The following MAB21L3 variants were observed in gnomAD, a reference collection of about 807,000 sequenced individuals.
MAB21L3 encodes protein mab-21-like 3.
A neutral mutation model predicts 37.7 loss-of-function variants in MAB21L3; 36 were observed. The ratio of observed to expected loss-of-function variants is 0.96; its 90% CI spans 0.73 to 1.26. The LOEUF (loss-of-function observed/expected upper bound fraction) is 1.26, where lower values mean the gene tolerates loss of function less well. Among genes scored for constraint, MAB21L3 ranks in the 50% most tolerant of loss-of-function variants. MAB21L3 has a pLI of 0.00. For synonymous variants in MAB21L3, 186 were observed against 176.8 expected (o/e 1.05, Z -0.41); for missense variants, 430 against 447.3 (o/e 0.96, Z 0.35).
At chr1:116,123,228 C>T (rs1396933250) in intron 4 of MAB21L3, among the ~76,000 whole-genome samples, 2 of 152,224 alleles carry the variant, frequency 1.3e-5, no homozygotes, top group African/African-American at 4.8e-5. Flanking sequence ...TGCTTTCCCC[C>T]AGTCGTTGCT....
chr1:116,124,591 G>T (rs1170064768), intron 5 of MAB21L3, among the ~76,000 whole-genome samples: 1 of 152,164 alleles, frequency 6.6e-6, no homozygotes, highest in Non-Finnish European at 1.5e-5. Flanking sequence ...GAAAGTTACT[G>T]TGCTGGCATA....
At position 116,128,126 on chromosome 1, in the gene MAB21L3, A is replaced by C. The variant is rs989307181; in HGVS notation, c.661-19A>C. The C allele has an allele frequency of 6.2e-7, 1 of 1,601,688 alleles. No individual in the cohort carries two copies. The highest frequency in any genetic ancestry group is 8.5e-7 in the Non-Finnish European group (1 of 1,173,298). The stretch of plus-strand genomic sequence containing the variant: ...AGCATTGTTCTTCTTATTTCCCAAT[A>C]TTTTTCTCTTTCTTCCAGTCGTTTG... On this transcript the variant is annotated intron_variant, in intron 6 of 7. Transcript: ENST00000369500.
chr1:116,117,162 C>CATATATATATATATAT lies in MAB21L3; in HGVS notation c.49-3755_49-3740dup, dbSNP rs35799148. Among the ~76,000 whole-genome samples the CATATATATATATATAT allele has an allele frequency of 1.9e-3, 223 of 114,494 alleles. 2 individuals carry two copies. The highest frequency in any genetic ancestry group is 5.6e-3 in the African/African-American group (159 of 28,562). 75.1% of individuals were successfully genotyped at this position (114,494 alleles called of 152,430 possible). A position where few individuals can be genotyped will look rare whatever the true frequency, so the allele number is the denominator to read the frequency against. On this transcript the variant is annotated intron_variant, in intron 3 of 7. Transcript: ENST00000369500. ...TAACTCAGGAATCAAAATATACATA[C>CATATATATATATATAT]ATATATATATATATATATATATATA...
At chr1:116,121,362 T>C (rs949071730) in intron 4 of MAB21L3, among the ~76,000 whole-genome samples, 1 of 151,954 alleles carries the variant, frequency 6.6e-6, no homozygotes, top group Non-Finnish European at 1.5e-5. Flanking sequence ...TCTGTCTCTA[T>C]AGAAAAAGAA....
At chr1:116,129,138 G>T (rs1344900164) in intron 7 of MAB21L3, among the ~76,000 whole-genome samples, 1 of 152,238 alleles carries the variant, frequency 6.6e-6, no homozygotes, top group Non-Finnish European at 1.5e-5. Context: ...GCAAGCCAGT[G>T]GGTGCGTGTA....
At position 116,133,205 on chromosome 1, in the gene MAB21L3, G is replaced by A. The variant is rs370966327; in HGVS notation, c.929G>A (p.Arg310His). The change falls in exon 8 of 8, where the codon CGC (arginine) becomes CAC (histidine). Residue 310 changes from arginine to histidine, a missense_variant. By Grantham distance (29) the Arg-to-His change is conservative. Transcript: ENST00000369500. ...CAGGTCTTCAGCAAAGCATTTCTGC[G>A]CCTGGTGAGGAAACTGCACAAGTGC... is the stretch of plus-strand genomic sequence containing the variant. ...DWQVFSKAFL[R>H]LVRKLHKCVS... 21 of 1,614,008 alleles carry A rather than the reference G, an allele frequency of 1.3e-5. No homozygotes were observed. The highest frequency in any genetic ancestry group is 4.0e-5 in the African/African-American group (3 of 74,886).
Position 116,127,700 on chromosome 1 carries a change from T to C in MAB21L3, c.660+56T>C, listed in dbSNP as rs1659949190. On this transcript the variant is annotated intron_variant, in intron 6 of 7. Coordinates refer to ENST00000369500, the MANE Select transcript of MAB21L3 (RefSeq NM_152367.3). Reference sequence around the variant, plus strand: ...GCAGTGATGCCAACAGCTTAACCAGTCACAGCATTACTGACTGCCAATGAG... The same window carrying C: ...GCAGTGATGCCAACAGCTTAACCAGCCACAGCATTACTGACTGCCAATGAG... 4 of 1,527,886 alleles carry C rather than the reference T, an allele frequency of 2.6e-6. No individual in the cohort carries two copies. In the Admixed American group the frequency reaches 8.0e-5, roughly 31 times the overall value. The allele number at this position is 1,527,886 out of a possible 1,614,324, so 94.6% of individuals were successfully genotyped here. A position where few individuals can be genotyped will look rare whatever the true frequency, so the allele number is the denominator to read the frequency against.
chr1:116,135,682 G>C lies in MAB21L3; in HGVS notation c.*2317G>C, dbSNP rs1333694783. On this transcript the variant is annotated 3_prime_UTR_variant, in exon 8 of 8. Transcript: ENST00000369500. The stretch of plus-strand genomic sequence containing the variant: ...CGGGCAGAGACACAACTAAAAAAGA[G>C]AATTTTAGACCAATATCCTTGTTGA... Among the ~76,000 whole-genome samples the C allele has an allele frequency of 6.6e-6, 1 of 152,212 alleles. No individual in the cohort carries two copies. Among genetic ancestry groups the C allele is most frequent in the Non-Finnish European group, 1.5e-5 (1 of 68,048 alleles).
At chr1:116,116,089 A>G (rs78993502) in intron 3 of MAB21L3, among the ~76,000 whole-genome samples, 7,361 of 152,246 alleles carry the variant, frequency 0.048, 213 homozygotes, top group African/African-American at 0.077. Context: ...ATCACTGTAC[A>G]GCTGCCCCAA....
intron 5 of MAB21L3, among the ~76,000 whole-genome samples, chr1:116,124,657 T>C (rs1462750259): frequency 6.6e-6 from 1 of 152,188 alleles, no homozygotes; most frequent in Non-Finnish European, 1.5e-5. Context: ...TTAAGCGTAT[T>C]GTTTTTTAAA....
At chr1:116,127,365 C>A in intron 5 of MAB21L3, 101 bp from the exon 6 acceptor site, 1 of 1,144,874 alleles carries the variant, frequency 8.7e-7, no homozygotes, top group Non-Finnish European at 1.2e-6. Context: ...ACACCAGTTG[C>A]AAGGTGCTGG....
At chr1:116,119,734 G>C (rs1029647173) in intron 3 of MAB21L3, among the ~76,000 whole-genome samples, 1 of 152,122 alleles carries the variant, frequency 6.6e-6, no homozygotes, top group African/African-American at 2.4e-5. Context: ...GAAAAAACTT[G>C]CAGACCCTTC....
chr1:116,111,775 A>G lies in MAB21L3; in HGVS notation c.-245A>G, dbSNP rs935644087. On this transcript the variant is annotated 5_prime_UTR_variant, in exon 2 of 8. Coordinates refer to ENST00000369500, the MANE Select transcript of MAB21L3 (RefSeq NM_152367.3). ...ACTTTATTTTTACTGCCAGCTTTCA[A>G]GTTGGAAGAGGGAAATTACGTTTAA... 21 of 152,138 alleles carry G rather than the reference A, an allele frequency of 1.4e-4. No homozygotes were observed. Among genetic ancestry groups the G allele is most frequent in the African/African-American group, 5.1e-4 (21 of 41,420 alleles). 9.4% of individuals were successfully genotyped at this position (152,138 alleles called of 1,614,324 possible). A position where few individuals can be genotyped will look rare whatever the true frequency, so the allele number is the denominator to read the frequency against.
chr1:116,130,716 CTA>C lies in MAB21L3; in HGVS notation c.855+2379_855+2380del, dbSNP rs529668594. On this transcript the variant is annotated intron_variant, in intron 7 of 7. Coordinates refer to ENST00000369500, the MANE Select transcript of MAB21L3 (RefSeq NM_152367.3). Reference sequence around the variant, plus strand: ...TCCCCAAAAAGGCTCTGCCCCAAGACTATTTCATGTGAAGCAAAAGCTTATCT... The same window carrying C: ...TCCCCAAAAAGGCTCTGCCCCAAGACTTTCATGTGAAGCAAAAGCTTATCT... Among the ~76,000 whole-genome samples the C allele has an allele frequency of 2.7e-3, 413 of 152,356 alleles. 7 individuals are homozygous for C. The highest frequency in any genetic ancestry group is 8.5e-4 in the Non-Finnish European group (58 of 68,046).
rs1336535806 is a variant in MAB21L3, at chr1:116,117,536, C to T, written c.49-3396C>T. Among the ~76,000 whole-genome samples the T allele has an allele frequency of 2.0e-5, 3 of 152,216 alleles. No homozygotes were observed. The East Asian group carries it at 5.8e-4, about 29-fold the overall frequency. ...CATCTCTTGCCCAGCAAACTCCAATCTTAGCACCTCAACTCTTACCTTTGG... is the reference window on the plus strand; with the variant it reads ...CATCTCTTGCCCAGCAAACTCCAATTTTAGCACCTCAACTCTTACCTTTGG... On this transcript the variant is annotated intron_variant, in intron 3 of 7. Coordinates refer to ENST00000369500, the MANE Select transcript of MAB21L3 (RefSeq NM_152367.3).
Position 116,124,073 on chromosome 1 carries a change from C to T in MAB21L3, c.197C>T (p.Ala66Val). The change falls in exon 5 of 8, where the codon GCT (alanine) becomes GTT (valine). Residue 66 changes from alanine to valine, a missense_variant. Coordinates refer to ENST00000369500, the MANE Select transcript of MAB21L3 (RefSeq NM_152367.3). ...DTYNENIKVL[A>V]PSQFLVTVPI... Reference sequence around the variant, plus strand: ...ATCCTTTCCTGACCCTAGGTTTTGGCTCCCAGTCAGTTCCTCGTCACAGTC... The same window carrying T: ...ATCCTTTCCTGACCCTAGGTTTTGGTTCCCAGTCAGTTCCTCGTCACAGTC... The T allele has an allele frequency of 6.3e-7, 1 of 1,598,996 alleles. No individual in the cohort carries two copies. The highest frequency in any genetic ancestry group is 8.5e-7 in the Non-Finnish European group (1 of 1,170,488).
At position 116,128,233 on chromosome 1, in the gene MAB21L3, A is replaced by G. The variant is rs373225373; in HGVS notation, c.749A>G (p.Asp250Gly). The G allele has an allele frequency of 6.8e-6, 11 of 1,614,032 alleles. No individual in the cohort carries two copies. Among genetic ancestry groups the G allele is most frequent in the Non-Finnish European group, 8.5e-6 (10 of 1,179,972 alleles). Reference sequence around the variant, plus strand: ...GAGCAGGTGTTACTGGAACAGCTGGATGAAGATGGGGGCTGCCGTAGGAAG... The same window carrying G: ...GAGCAGGTGTTACTGGAACAGCTGGGTGAAGATGGGGGCTGCCGTAGGAAG... ...RAEQVLLEQL[D>G]EDGGCRRKCF... The change falls in exon 7 of 8, where the codon GAT (aspartate) becomes GGT (glycine). Residue 250 changes from aspartate (D) to glycine (G), a missense_variant. Coordinates refer to ENST00000369500, the MANE Select transcript of MAB21L3 (RefSeq NM_152367.3).
intron 3 of MAB21L3, among the ~76,000 whole-genome samples, chr1:116,115,677 T>A (rs1315196863): frequency 1.3e-5 from 2 of 152,216 alleles, no homozygotes; most frequent in Non-Finnish European, 2.9e-5. Context: ...CGTATCGGAA[T>A]GCAAGTGAGT....
rs1196814790 is a variant in MAB21L3 at position 116,137,096 on chromosome 1, A to G, written c.*3731A>G. 1.0e-5 allele frequency among the ~76,000 whole-genome samples: 1 copy of G among 96,700 alleles called. No homozygotes were observed. The highest frequency in any genetic ancestry group is 7.7e-5 in the African/African-American group (1 of 13,058). 63.4% of individuals were successfully genotyped at this position (96,700 alleles called of 152,430 possible). A position where few individuals can be genotyped will look rare whatever the true frequency, so the allele number is the denominator to read the frequency against. On this transcript the variant is annotated 3_prime_UTR_variant, in exon 8 of 8. Coordinates refer to ENST00000369500, the MANE Select transcript of MAB21L3 (RefSeq NM_152367.3). ...ACTTCATGTCTAAAACACCAAAAGC[A>G]ATGGCAACAAAAGCCAAAATTGACA...
Sources: gnomAD v4.1 joint callset for allele counts (sites outside exome capture counted in the v4.1 genomes callset) on GRCh38, gnomAD v4.1.1 for gene constraint, MANE v1.5 for transcripts, NCBI Gene and HGNC (gene_info 2026-07-23, HGNC 2026-07-21) for gene names.